The following DLG2 variants were observed in gnomAD, a reference collection of about 807,000 sequenced individuals.
DLG2 encodes disks large homolog 2.
DLG2 carries 45 observed loss-of-function variants against 132.5 expected under a neutral mutation model. That is an observed-to-expected ratio of 0.34 (90% CI 0.27 to 0.44). The LOEUF is 0.44. Among genes scored for constraint, DLG2 ranks in the 20% least tolerant of loss-of-function variants. The pLI, the probability that DLG2 is intolerant of heterozygous loss-of-function variation, is 1.00. For missense variants in DLG2, 1,045 were observed against 1,196.9 expected (o/e 0.87, Z 1.87); for synonymous variants, 424 against 419.6 (o/e 1.01, Z -0.13).
intron 8 of DLG2, among the ~76,000 whole-genome samples, chr11:84,245,248 C>T (rs997379433): frequency 1.3e-5 from 2 of 152,022 alleles, no homozygotes; most frequent in African/African-American, 4.8e-5. Flanking sequence ...TCATCTTTTT[C>T]CCTTTAGTTC....
intron 6 of DLG2, among the ~76,000 whole-genome samples, chr11:84,872,856 G>A (rs2085693568): frequency 6.6e-6 from 1 of 152,146 alleles, no homozygotes; most frequent in African/African-American, 2.4e-5. Context: ...CTAACTATAA[G>A]CAACTGCGAT....
intron 6 of DLG2, among the ~76,000 whole-genome samples, chr11:84,567,706 A>G (rs1318687712): frequency 1.3e-5 from 2 of 152,196 alleles, no homozygotes; most frequent in Non-Finnish European, 2.9e-5. Flanking sequence ...ACAGGTCCTT[A>G]GGAAAAGGTC....
chr11:84,168,716 C>T (rs2095735335), intron 8 of DLG2, among the ~76,000 whole-genome samples: 1 of 152,008 alleles, frequency 6.6e-6, no homozygotes, highest in Admixed American at 6.6e-5. Flanking sequence ...TGCCTTTTGC[C>T]ATTCCTTGTT....
chr11:85,094,602 G>C (rs2069412599), intron 6 of DLG2, among the ~76,000 whole-genome samples: 1 of 152,172 alleles, frequency 6.6e-6, no homozygotes. Flanking sequence ...ACATCTGCTA[G>C]CTTGCAACTT....
At chr11:85,517,906 C>A (rs1220367622) in intron 3 of DLG2, among the ~76,000 whole-genome samples, 3 of 152,136 alleles carry the variant, frequency 2.0e-5, no homozygotes, top group African/African-American at 7.2e-5. Context: ...CTCACAAGAT[C>A]TGATGGTTAT....
intron 6 of DLG2, among the ~76,000 whole-genome samples, chr11:84,823,994 C>T (rs2078030079): frequency 6.6e-6 from 1 of 151,898 alleles, no homozygotes; most frequent in Admixed American, 6.6e-5. Flanking sequence ...GAGTGAGTTA[C>T]TAATAGGAGT....
chr11:85,462,873 A>C (rs1246783667), intron 3 of DLG2, among the ~76,000 whole-genome samples: 1 of 152,202 alleles, frequency 6.6e-6, no homozygotes, highest in Non-Finnish European at 1.5e-5. Flanking sequence ...GGAAGTCATT[A>C]AGGTTAAATG....
intron 6 of DLG2, chr11:85,020,663 G>T: frequency 2.4e-6 from 1 of 412,302 alleles, no homozygotes; most frequent in South Asian, 1.9e-5. Context: ...ATACAAACAA[G>T]AAATGGGGAA....
chr11:83,534,719 C>G (rs1248419665), intron 20 of DLG2, among the ~76,000 whole-genome samples: 2 of 152,090 alleles, frequency 1.3e-5, no homozygotes, highest in Non-Finnish European at 2.9e-5. Flanking sequence ...TGTGTATCAC[C>G]TGAGGTCAGG....
intron 14 of DLG2, among the ~76,000 whole-genome samples, chr11:83,952,332 G>A (rs1293179886): frequency 6.6e-6 from 1 of 152,160 alleles, no homozygotes; most frequent in Non-Finnish European, 1.5e-5. Context: ...GGGGGAAAGA[G>A]TGAGACCCTG....
intron 4 of DLG2, among the ~76,000 whole-genome samples, chr11:85,175,000 A>G (rs1047132245): frequency 2.0e-5 from 3 of 152,180 alleles, no homozygotes; most frequent in Non-Finnish European, 4.4e-5. Flanking sequence ...AAAAAAGCCC[A>G]GGACCAGATA....
chr11:83,881,771 A>C (rs1005447459), intron 15 of DLG2, among the ~76,000 whole-genome samples: 1 of 152,222 alleles, frequency 6.6e-6, no homozygotes, highest in Non-Finnish European at 1.5e-5. Context: ...ACTAACAAAG[A>C]ATCAATTGTA....
chr11:85,128,777 T>C (rs537146201), intron 5 of DLG2, among the ~76,000 whole-genome samples: 15 of 152,256 alleles, frequency 9.9e-5, no homozygotes, highest in African/African-American at 3.6e-4. Context: ...GTTGCATTAG[T>C]TATTGGATTG....
At chr11:84,364,135 C>T (rs1490931145) in intron 7 of DLG2, among the ~76,000 whole-genome samples, 1 of 151,878 alleles carries the variant, frequency 6.6e-6, no homozygotes, top group Non-Finnish European at 1.5e-5. Context: ...ATTCTTCCTA[C>T]CCATGAGCAT....
intron 3 of DLG2, among the ~76,000 whole-genome samples, chr11:85,482,991 A>G (rs1204758289): frequency 6.6e-6 from 1 of 152,276 alleles, no homozygotes; most frequent in African/African-American, 2.4e-5. Flanking sequence ...TCTCTGATAT[A>G]TAAGATTTCA....
chr11:83,835,771 C>T (rs1377099456), intron 16 of DLG2, among the ~76,000 whole-genome samples: 1 of 152,134 alleles, frequency 6.6e-6, no homozygotes, highest in Non-Finnish European at 1.5e-5. Flanking sequence ...GTCAGCCAGG[C>T]TCAGCTTTAT....
chr11:84,915,659 G>A lies in DLG2; in HGVS notation c.357+196002C>T, dbSNP rs541161012. 5.3e-5 allele frequency among the ~76,000 whole-genome samples: 8 copies of A among 152,248 alleles called. 1 individual carries two copies. Among genetic ancestry groups the A allele is most frequent in the African/African-American group, 1.9e-4 (8 of 41,558 alleles). ...ACATACTATCATAATGAACATTAGA[G>A]AGGAAATTAATTAGAGATTAATTAA... On this transcript the variant is annotated intron_variant, in intron 6 of 27. Transcript: ENST00000376104.
chr11:84,117,847 C>CTTTA (rs527261967), intron 9 of DLG2, among the ~76,000 whole-genome samples: 4,123 of 151,692 alleles, frequency 0.027, 183 homozygotes, highest in African/African-American at 0.089. Flanking sequence ...ATTTTATAGG[C>CTTTA]TTTATTTATT....
Position 83,836,880 on chromosome 11 carries a change from T to A in DLG2, c.1566-3110A>T, listed in dbSNP as rs556141839. ...AAAATAGAGTCCTCTTGCAGCTGGG[T>A]GGGCATGGCAGTTCAGCTCCCCCTT... On this transcript the variant is annotated intron_variant, in intron 16 of 27. Coordinates refer to ENST00000376104, the MANE Select transcript of DLG2 (RefSeq NM_001142699.3). Among the ~76,000 whole-genome samples the A allele has an allele frequency of 7.5e-4, 114 of 152,272 alleles. 1 individual carries two copies. Among genetic ancestry groups the A allele is most frequent in the African/African-American group, 2.5e-3 (105 of 41,564 alleles).
Sources: gnomAD v4.1 joint callset for allele counts (sites outside exome capture counted in the v4.1 genomes callset) on GRCh38, gnomAD v4.1.1 for gene constraint, MANE v1.5 for transcripts, NCBI Gene and HGNC (gene_info 2026-07-23, HGNC 2026-07-21) for gene names.